The following GAS2 variants were observed in gnomAD, a reference collection of about 807,000 sequenced individuals.
GAS2 encodes the protein growth arrest specific 2.
In GAS2, 20 loss-of-function variants were observed where a neutral mutation model predicts 37.5. The ratio of observed to expected loss-of-function variants is 0.53; its 90% CI spans 0.37 to 0.77. The LOEUF is 0.77. GAS2 is among the 30% of genes least tolerant of loss of function. The pLI, the probability that GAS2 is intolerant of heterozygous loss-of-function variation, is 0.00. For missense variants in GAS2, 336 were observed against 373.4 expected (o/e 0.90, Z 0.82); for synonymous variants, 144 against 132.2 (o/e 1.09, Z -0.61).
chr11:22,794,321 CT>C (rs1856325604), intron 7 of GAS2, among the ~76,000 whole-genome samples: 1 of 152,234 alleles, frequency 6.6e-6, no homozygotes, highest in African/African-American at 2.4e-5. Context: ...CCCCTTTCCA[CT>C]CTTATTTTCC....
intron 1 of GAS2, among the ~76,000 whole-genome samples, chr11:22,659,482 G>A (rs1052117236): frequency 2.6e-5 from 4 of 152,120 alleles, no homozygotes; most frequent in African/African-American, 9.7e-5. Context: ...GATTATTTCT[G>A]TGTAGGATTT....
At chr11:22,790,529 C>T (rs77251244) in intron 7 of GAS2, among the ~76,000 whole-genome samples, 3,321 of 151,952 alleles carry the variant, frequency 0.022, 113 homozygotes, top group African/African-American at 0.077. Flanking sequence ...AGGACACTTT[C>T]ACAAAACCTA....
intron 6 of GAS2, among the ~76,000 whole-genome samples, chr11:22,754,032 A>G (rs1327101047): frequency 6.6e-6 from 1 of 152,096 alleles, no homozygotes; most frequent in African/African-American, 2.4e-5. Flanking sequence ...ACAGAAATCT[A>G]TTAGTGTTGG....
intron 3 of GAS2, among the ~76,000 whole-genome samples, chr11:22,713,703 C>A (rs925451428): frequency 1.3e-5 from 2 of 152,152 alleles, no homozygotes; most frequent in Non-Finnish European, 2.9e-5. Flanking sequence ...GGGGTCCTAT[C>A]TATAGCCTCC....
intron 7 of GAS2, among the ~76,000 whole-genome samples, chr11:22,786,839 G>A (rs903597172): frequency 1.2e-4 from 19 of 152,256 alleles, no homozygotes; most frequent in African/African-American, 2.9e-4. Context: ...TTTTCAGAAA[G>A]AAGTGAGAAA....
intron 3 of GAS2, among the ~76,000 whole-genome samples, chr11:22,692,129 G>A (rs978972587): frequency 1.3e-5 from 2 of 152,034 alleles, no homozygotes; most frequent in African/African-American, 4.8e-5. Flanking sequence ...CTCATCACAG[G>A]AGACTTGATA....
Position 22,685,648 on chromosome 11 carries a change from G to T in GAS2, c.146-20G>T, listed in dbSNP as rs553043986. 1.3e-5 allele frequency: 21 copies of T among 1,605,242 alleles called. No homozygotes were observed. The East Asian group carries it at 4.3e-4, about 32-fold the overall frequency. On this transcript the variant is annotated intron_variant, in intron 2 of 7. Transcript: ENST00000454584. ...TGACATTTGATTTTCCTTTTATAAT[G>T]CTTCTTTTTGTTATTTCAGGGAAGG...
At chr11:22,699,085 G>A (rs1017233109) in intron 3 of GAS2, among the ~76,000 whole-genome samples, 4 of 152,126 alleles carry the variant, frequency 2.6e-5, no homozygotes, top group East Asian at 1.9e-4. Context: ...AGCATAGGCT[G>A]CTAGTTTTCT....
At chr11:22,648,325 A>T (rs1315200780) in intron 1 of GAS2, among the ~76,000 whole-genome samples, 1 of 152,136 alleles carries the variant, frequency 6.6e-6, no homozygotes. Context: ...TGGTTATTGT[A>T]GCCTTGTAGT....
chr11:22,768,435 C>A (rs887630095), intron 7 of GAS2, among the ~76,000 whole-genome samples: 6 of 152,204 alleles, frequency 3.9e-5, no homozygotes, highest in African/African-American at 1.4e-4. Context: ...TACACACCAG[C>A]TTTTCATGCC....
At chr11:22,801,542 G>A (rs143183061) in intron 7 of GAS2, among the ~76,000 whole-genome samples, 2 of 151,776 alleles carry the variant, frequency 1.3e-5, no homozygotes, top group Admixed American at 6.6e-5. Context: ...AGTGACTTAC[G>A]TGACATGATG....
chr11:22,700,988 A>T (rs1174138767), intron 3 of GAS2, among the ~76,000 whole-genome samples: 1 of 152,156 alleles, frequency 6.6e-6, no homozygotes, highest in Non-Finnish European at 1.5e-5. Flanking sequence ...TCAATAAAAT[A>T]GTTGGTGAGG....
In GAS2 at chr11:22,688,512, A is replaced by C. The variant is rs541441836; in HGVS notation, c.267+2723A>C. Reference sequence around the variant, plus strand: ...GTGCAAATATGTATACATTTGCCCCAATCTCCATGATAATATGGAATATTG... The same window carrying C: ...GTGCAAATATGTATACATTTGCCCCCATCTCCATGATAATATGGAATATTG... On this transcript the variant is annotated intron_variant, in intron 3 of 7. Transcript: ENST00000454584. 1.1e-4 allele frequency: 16 copies of C among 152,268 alleles called. No homozygotes were observed. In the East Asian group the frequency reaches 2.5e-3, roughly 24 times the overall value. 9.4% of individuals were successfully genotyped at this position (152,268 alleles called of 1,614,324 possible).
chr11:22,777,620 CAT>C (rs1293010458), intron 7 of GAS2, among the ~76,000 whole-genome samples: 2 of 152,106 alleles, frequency 1.3e-5, no homozygotes, highest in African/African-American at 2.4e-5. Context: ...AAAGGGTAAG[CAT>C]GGCAGAGGAA....
chr11:22,651,115 T>TG (rs1405521449), intron 1 of GAS2, among the ~76,000 whole-genome samples: 1 of 151,976 alleles, frequency 6.6e-6, no homozygotes, highest in Non-Finnish European at 1.5e-5. Flanking sequence ...GCAGGCCTGC[T>TG]GGTGACAAAA....
chr11:22,761,095 T>A (rs1467141114), intron 7 of GAS2, among the ~76,000 whole-genome samples: 1 of 152,182 alleles, frequency 6.6e-6, no homozygotes, highest in Non-Finnish European at 1.5e-5. Flanking sequence ...GAAATTGATA[T>A]TGTTTAGGAT....
At chr11:22,654,144 A>G (rs1848829368) in intron 1 of GAS2, among the ~76,000 whole-genome samples, 2 of 152,236 alleles carry the variant, frequency 1.3e-5, no homozygotes, top group Admixed American at 1.3e-4. Flanking sequence ...AGAATCCATG[A>G]GCAAAATAAC....
chr11:22,785,016 G>A (rs1280872884), intron 7 of GAS2, among the ~76,000 whole-genome samples: 2 of 152,034 alleles, frequency 1.3e-5, no homozygotes, highest in African/African-American at 4.8e-5. Flanking sequence ...ACAAAAAGAG[G>A]AAAAGGGATA....
chr11:22,720,210 A>G (rs577522496), intron 3 of GAS2, among the ~76,000 whole-genome samples: 3 of 152,014 alleles, frequency 2.0e-5, no homozygotes, highest in Non-Finnish European at 4.4e-5. Flanking sequence ...CAGCATGAAT[A>G]TTGCACTAAA....
Sources: gnomAD v4.1 joint callset for allele counts (sites outside exome capture counted in the v4.1 genomes callset) on GRCh38, gnomAD v4.1.1 for gene constraint, MANE v1.5 for transcripts, NCBI Gene and HGNC (gene_info 2026-07-23, HGNC 2026-07-21) for gene names.